The following ADAMTS12 variants were observed in gnomAD, a reference collection of about 807,000 sequenced individuals.
The protein encoded by ADAMTS12 is ADAM metallopeptidase with thrombospondin type 1 motif 12, also known as A disintegrin and metalloproteinase with thrombospondin motifs 12.
In ADAMTS12, 118 loss-of-function variants were observed where a neutral mutation model predicts 167.8. That is an observed-to-expected ratio of 0.70 (90% confidence interval 0.61 to 0.82). The LOEUF is 0.82. Among genes scored for constraint, ADAMTS12 ranks in the 40% least tolerant of loss-of-function variants. The pLI, the probability that ADAMTS12 is intolerant of heterozygous loss-of-function variation, is 0.00. For missense variants in ADAMTS12, 1,916 were observed against 1,998.8 expected, an observed-to-expected ratio of 0.96 and a Z score of 0.79; for synonymous variants, 704 against 716.9, an observed-to-expected ratio of 0.98 and a Z score of 0.29.
intron 3 of ADAMTS12, among the ~76,000 whole-genome samples, chr5:33,732,867 G>A (rs1193680932): frequency 6.6e-6 from 1 of 151,974 alleles, no homozygotes; most frequent in East Asian, 1.9e-4. Context: ...TCCAACACCA[G>A]GGGAATGTGT....
intron 19 of ADAMTS12, among the ~76,000 whole-genome samples, chr5:33,563,652 T>G (rs1476014842): frequency 6.6e-6 from 1 of 152,202 alleles, no homozygotes; most frequent in African/African-American, 2.4e-5. Context: ...CCACACAGTT[T>G]ACAGTTAACT....
intron 17 of ADAMTS12, among the ~76,000 whole-genome samples, chr5:33,591,322 G>T (rs182100469): frequency 1.3e-5 from 2 of 151,966 alleles, no homozygotes; most frequent in South Asian, 4.2e-4. Context: ...AGCGCTGATC[G>T]CCAACAAACC....
At chr5:33,585,681 G>A (rs1244651804) in intron 18 of ADAMTS12, among the ~76,000 whole-genome samples, 1 of 152,194 alleles carries the variant, frequency 6.6e-6, no homozygotes, top group Non-Finnish European at 1.5e-5. Context: ...TACCCTTTAA[G>A]TCCACAAAGT....
intron 2 of ADAMTS12, among the ~76,000 whole-genome samples, chr5:33,857,724 G>T (rs1749461006): frequency 6.6e-6 from 1 of 152,314 alleles, no homozygotes; most frequent in South Asian, 2.1e-4. Context: ...GACTAAGTTA[G>T]ACGTTAGAGC....
chr5:33,831,640 T>C (rs1748304264), intron 2 of ADAMTS12, among the ~76,000 whole-genome samples: 1 of 152,230 alleles, frequency 6.6e-6, no homozygotes, highest in Non-Finnish European at 1.5e-5. Flanking sequence ...ATCACATGAT[T>C]GTAACAAGCT....
At chr5:33,697,791 C>T (rs1461115215) in intron 3 of ADAMTS12, among the ~76,000 whole-genome samples, 1 of 152,154 alleles carries the variant, frequency 6.6e-6, no homozygotes, top group Non-Finnish European at 1.5e-5. Context: ...TCAGATTATA[C>T]GAACTGACCC....
intron 20 of ADAMTS12, among the ~76,000 whole-genome samples, chr5:33,558,533 G>C (rs1017405004): frequency 1.3e-5 from 2 of 152,266 alleles, no homozygotes; most frequent in South Asian, 4.2e-4. Context: ...GGGCATGAGA[G>C]ACCCTATAGG....
chr5:33,795,279 T>C (rs1204362626), intron 2 of ADAMTS12, among the ~76,000 whole-genome samples: 1 of 152,172 alleles, frequency 6.6e-6, no homozygotes, highest in African/African-American at 2.4e-5. Flanking sequence ...GGCTGGCGAA[T>C]TCAGTGATTG....
intron 3 of ADAMTS12, among the ~76,000 whole-genome samples, chr5:33,726,191 TGCA>T (rs1292699453): frequency 6.6e-6 from 1 of 152,168 alleles, no homozygotes; most frequent in Non-Finnish European, 1.5e-5. Flanking sequence ...GAGCCTTAAA[TGCA>T]GCAATCTGGT....
intron 12 of ADAMTS12, among the ~76,000 whole-genome samples, chr5:33,635,446 T>C (rs1279374103): frequency 1.3e-5 from 2 of 152,204 alleles, no homozygotes; most frequent in Non-Finnish European, 2.9e-5. Flanking sequence ...CTCTTGGTTC[T>C]ATTTCATAGT....
intron 12 of ADAMTS12, among the ~76,000 whole-genome samples, chr5:33,635,121 T>C (rs1327034656): frequency 6.6e-6 from 1 of 152,120 alleles, no homozygotes; most frequent in African/African-American, 2.4e-5. Context: ...GCTTAAGAGG[T>C]AAACTTAGAA....
chr5:33,573,779 C>A (rs1178135370), intron 19 of ADAMTS12, among the ~76,000 whole-genome samples: 1 of 152,078 alleles, frequency 6.6e-6, no homozygotes, highest in East Asian at 1.9e-4. Flanking sequence ...TTCTGCACAG[C>A]AAAAGAAACT....
intron 22 of ADAMTS12, among the ~76,000 whole-genome samples, chr5:33,545,100 A>C (rs1054107108): frequency 6.6e-6 from 1 of 152,222 alleles, no homozygotes; most frequent in Non-Finnish European, 1.5e-5. Context: ...AAATTTTTGC[A>C]ATCTACCCAT....
chr5:33,566,683 C>T (rs773637945), intron 19 of ADAMTS12, among the ~76,000 whole-genome samples: 1 of 152,186 alleles, frequency 6.6e-6, no homozygotes, highest in Non-Finnish European at 1.5e-5. Flanking sequence ...TCAGAATAGG[C>T]TACCTACAGT....
At chr5:33,804,587 A>T (rs1747150909) in intron 2 of ADAMTS12, among the ~76,000 whole-genome samples, 1 of 152,250 alleles carries the variant, frequency 6.6e-6, no homozygotes, top group East Asian at 1.9e-4. Context: ...GCTGAAAGGT[A>T]CACAGCCCAT....
At chr5:33,707,599 A>T (rs955763184) in intron 3 of ADAMTS12, among the ~76,000 whole-genome samples, 3 of 152,218 alleles carry the variant, frequency 2.0e-5, no homozygotes, top group Admixed American at 6.5e-5. Context: ...TGGTACCAAA[A>T]CAGATCTGTA....
intron 17 of ADAMTS12, among the ~76,000 whole-genome samples, chr5:33,591,784 G>A (rs569333976): frequency 3.9e-5 from 6 of 152,290 alleles, no homozygotes; most frequent in Non-Finnish European, 8.8e-5. Context: ...ATTTGGGAAT[G>A]TCTGAAGACA....
intron 3 of ADAMTS12, among the ~76,000 whole-genome samples, chr5:33,721,182 G>T (rs546359707): frequency 3.9e-5 from 6 of 152,324 alleles, no homozygotes; most frequent in African/African-American, 1.2e-4. Context: ...TATTCTGCTA[G>T]AAGTCAAGGT....
intron 3 of ADAMTS12, among the ~76,000 whole-genome samples, chr5:33,739,917 A>G (rs958196708): frequency 1.3e-5 from 2 of 152,262 alleles, no homozygotes; most frequent in Non-Finnish European, 2.9e-5. Context: ...GTGAGATGCC[A>G]GTGTGTACAA....
Sources: allele counts gnomAD v4.1 joint callset (sites outside exome capture counted in the v4.1 genomes callset), GRCh38; gene constraint gnomAD v4.1.1; transcripts MANE v1.5; gene names NCBI Gene and HGNC (gene_info 2026-07-23, HGNC 2026-07-21).